The following LDAH variants were observed in gnomAD, a reference collection of about 807,000 sequenced individuals.
LDAH encodes the protein lipid droplet-associated hydrolase.
In LDAH, 26 loss-of-function variants were observed where a neutral mutation model predicts 29.6. The observed-to-expected ratio is 0.88, with a 90% CI of 0.64 to 1.22. The LOEUF is 1.22. Among genes scored for constraint, LDAH ranks in the 50% most tolerant of loss-of-function variants. LDAH has a pLI of 0.00. For missense variants in LDAH, 344 were observed against 387.3 expected, an observed-to-expected ratio of 0.89 and a Z score of 0.94; for synonymous variants, 117 against 133.0, an observed-to-expected ratio of 0.88 and a Z score of 0.83.
intron 1 of LDAH, among the ~76,000 whole-genome samples, chr2:20,808,443 C>G (rs1672233386): frequency 6.6e-6 from 1 of 152,128 alleles, no homozygotes; most frequent in Admixed American, 6.5e-5. Flanking sequence ...GCGGGCGGAT[C>G]ACGAGGTCAG....
intron 6 of LDAH, among the ~76,000 whole-genome samples, chr2:20,693,316 A>C (rs1406881285): frequency 6.6e-6 from 1 of 152,230 alleles, no homozygotes; most frequent in Non-Finnish European, 1.5e-5. Flanking sequence ...AAGAATCCAC[A>C]TGACCTTACA....
chr2:20,750,135 T>C (rs1038235434), intron 4 of LDAH, among the ~76,000 whole-genome samples: 1 of 151,844 alleles, frequency 6.6e-6, no homozygotes, highest in Non-Finnish European at 1.5e-5. Flanking sequence ...AGGCAATTCT[T>C]CCACCTCATC....
At chr2:20,709,486 A>G (rs1664545087) in intron 5 of LDAH, among the ~76,000 whole-genome samples, 1 of 141,152 alleles carries the variant, frequency 7.1e-6, no homozygotes, top group East Asian at 2.2e-4. Flanking sequence ...GATGGCTATA[A>G]TAAAAAAAGA....
At chr2:20,682,724 G>C (rs147828935), downstream of LDAH, among the ~76,000 whole-genome samples, 1 of 152,302 alleles carries the variant, frequency 6.6e-6, no homozygotes, top group African/African-American at 2.4e-5. Flanking sequence ...CTTCCTGTTA[G>C]GACCCACCTC....
At chr2:20,796,737 C>A (rs1671330986) in intron 2 of LDAH, among the ~76,000 whole-genome samples, 1 of 152,140 alleles carries the variant, frequency 6.6e-6, no homozygotes, top group African/African-American at 2.4e-5. Context: ...AGGGATAGAG[C>A]CCAGGAACTG....
intron 5 of LDAH, among the ~76,000 whole-genome samples, chr2:20,704,543 CA>C (rs1023989972): frequency 5.9e-5 from 9 of 151,972 alleles, no homozygotes; most frequent in Non-Finnish European, 1.2e-4. Context: ...TAGTAACTGA[CA>C]AAAAACAAAC....
At chr2:20,709,048 G>A (rs1002904960) in intron 5 of LDAH, among the ~76,000 whole-genome samples, 10 of 152,130 alleles carry the variant, frequency 6.6e-5, no homozygotes, top group Non-Finnish European at 1.0e-4. Context: ...TACAGGTTGA[G>A]TATCCCTAAT....
At chr2:20,697,863 A>G (rs1663608098) in intron 6 of LDAH, among the ~76,000 whole-genome samples, 1 of 152,234 alleles carries the variant, frequency 6.6e-6, no homozygotes, top group Non-Finnish European at 1.5e-5. Context: ...AAGCTACAAT[A>G]TTAGTAATGC....
intron 4 of LDAH, among the ~76,000 whole-genome samples, chr2:20,756,329 C>T (rs1668341828): frequency 6.6e-6 from 1 of 152,032 alleles, no homozygotes; most frequent in East Asian, 1.9e-4. Context: ...GCCACCGTGC[C>T]CAGCCTGGTG....
chr2:20,700,741 T>C (rs1276422894), intron 6 of LDAH, among the ~76,000 whole-genome samples: 1 of 152,256 alleles, frequency 6.6e-6, no homozygotes, highest in East Asian at 1.9e-4. Context: ...AAATTACTTT[T>C]AATAATATGT....
intron 1 of LDAH, among the ~76,000 whole-genome samples, chr2:20,810,726 A>G (rs1046155395): frequency 6.6e-6 from 1 of 152,224 alleles, no homozygotes; most frequent in Non-Finnish European, 1.5e-5. Context: ...ATGGTCTGGA[A>G]CTGGTTAGGA....
intron 5 of LDAH, among the ~76,000 whole-genome samples, chr2:20,736,048 C>T (rs1666759347): frequency 6.6e-6 from 1 of 152,152 alleles, no homozygotes; most frequent in African/African-American, 2.4e-5. Context: ...TTCATTACTG[C>T]TGGGGAGAGG....
rs9085 is a variant in LDAH at position 20,685,213 on chromosome 2, A to C, written c.*1690T>G. On this transcript the variant is annotated 3_prime_UTR_variant, in exon 7 of 7. Transcript: ENST00000237822. ...TATGGAGTAACATTTAAAATAACAG[A>C]TAAAAGAAAAGCTCTGAATGTTACT... 0.4 allele frequency: 179,790 copies of C among 455,060 alleles called. 36,931 individuals carry two copies. Among genetic ancestry groups the C allele is most frequent in the East Asian group, 0.58 (16,583 of 28,524 alleles). 28.2% of individuals were successfully genotyped at this position (455,060 alleles called of 1,614,324 possible).
At chr2:20,759,013 C>T (rs1046275783) in intron 4 of LDAH, among the ~76,000 whole-genome samples, 1 of 152,158 alleles carries the variant, frequency 6.6e-6, no homozygotes, top group African/African-American at 2.4e-5. Context: ...CTGAAGCTCT[C>T]AGAGACTTTC....
At chr2:20,728,304 G>A (rs1206202398) in intron 5 of LDAH, among the ~76,000 whole-genome samples, 1 of 152,206 alleles carries the variant, frequency 6.6e-6, no homozygotes, top group Admixed American at 6.5e-5. Flanking sequence ...TCAAGCCACA[G>A]AGAAACAGGT....
chr2:20,786,847 C>A (rs939024611), intron 3 of LDAH, among the ~76,000 whole-genome samples: 2 of 152,170 alleles, frequency 1.3e-5, no homozygotes, highest in African/African-American at 4.8e-5. Flanking sequence ...CCCTTCCCCC[C>A]AGGTTGGATA....
intron 5 of LDAH, among the ~76,000 whole-genome samples, chr2:20,712,253 G>A (rs949034233): frequency 6.6e-6 from 1 of 152,194 alleles, no homozygotes. Context: ...AGGGTCTGGA[G>A]TGGACCTCCA....
intron 5 of LDAH, among the ~76,000 whole-genome samples, chr2:20,718,502 C>G (rs994787187): frequency 1.3e-5 from 2 of 152,052 alleles, no homozygotes; most frequent in African/African-American, 4.8e-5. Context: ...CACCAGAACA[C>G]CCAAATATAC....
intron 4 of LDAH, among the ~76,000 whole-genome samples, chr2:20,764,363 C>G (rs139296847): frequency 6.6e-6 from 1 of 152,180 alleles, no homozygotes; most frequent in Non-Finnish European, 1.5e-5. Flanking sequence ...GTGTTTTTCA[C>G]GCAGCAGGAT....
Sources: allele counts gnomAD v4.1 joint callset (sites outside exome capture counted in the v4.1 genomes callset), GRCh38; gene constraint gnomAD v4.1.1; transcripts MANE v1.5; gene names NCBI Gene and HGNC (gene_info 2026-07-23, HGNC 2026-07-21).